Variants in ANKHD1 observed in about 807,000 individuals in gnomAD.
The protein encoded by ANKHD1 is ankyrin repeat and KH domain-containing protein 1.
A neutral mutation model predicts 230.5 loss-of-function variants in ANKHD1; 31 were observed. The observed-to-expected ratio is 0.13, with a 90% CI of 0.10 to 0.18. ANKHD1 has a LOEUF of 0.18. ANKHD1 is among the 10% of genes least tolerant of loss of function. The pLI is 1.00. For missense variants in ANKHD1, 2,256 were observed against 3,071.3 expected, an observed-to-expected ratio of 0.73 and a Z score of 6.27; for synonymous variants, 1,074 against 1,117.6, an observed-to-expected ratio of 0.96 and a Z score of 0.78.
intron 14 of ANKHD1, among the ~76,000 whole-genome samples, chr5:140,489,044 GCC>G (rs1751642899): frequency 6.6e-6 from 1 of 152,012 alleles, no homozygotes; most frequent in Non-Finnish European, 1.5e-5. Flanking sequence ...ACAAAAGTTA[GCC>G]AGGAGTGGTG....
At chr5:140,502,038 TAAA>T (rs750983725) in intron 15 of ANKHD1, among the ~76,000 whole-genome samples, 3 of 132,566 alleles carry the variant, frequency 2.3e-5, no homozygotes, top group Non-Finnish European at 1.6e-5. Context: ...CCTATCTCTT[TAAA>T]AAAAAAAAAA....
intron 1 of ANKHD1, among the ~76,000 whole-genome samples, chr5:140,414,814 G>A (rs1487372963): frequency 6.7e-6 from 1 of 148,488 alleles, no homozygotes; most frequent in Non-Finnish European, 1.5e-5. Flanking sequence ...TCCAGCCTGG[G>A]TGACAAGAGT....
At chr5:140,427,415 CG>C (rs1167004504) in intron 1 of ANKHD1, among the ~76,000 whole-genome samples, 11 of 112,112 alleles carry the variant, frequency 9.8e-5, no homozygotes, top group Non-Finnish European at 2.0e-4. Flanking sequence ...GCTGGCCGGG[CG>C]GGGGGCTGAC....
intron 1 of ANKHD1, among the ~76,000 whole-genome samples, chr5:140,407,072 G>A (rs1266589394): frequency 1.3e-5 from 2 of 151,956 alleles, no homozygotes; most frequent in African/African-American, 4.8e-5. Context: ...CGAGGTGGGT[G>A]GGTCACAAGA....
chr5:140,501,342 T>G (rs1052564268), intron 15 of ANKHD1, among the ~76,000 whole-genome samples: 8 of 151,652 alleles, frequency 5.3e-5, no homozygotes, highest in African/African-American at 1.9e-4. Flanking sequence ...CCTCCCAAAA[T>G]GCTGGGATTA....
Position 140,445,713 on chromosome 5 carries a change from T to C in ANKHD1, c.914-29T>C, listed in dbSNP as rs551308514. ...ATTTTTTAAATATATATTCTGCTCA[T>C]GTATTATATTTCTTCTTCTTCTTTT... On this transcript the variant is annotated intron_variant, in intron 5 of 33. Transcript: ENST00000360839. 14 of 1,521,322 alleles carry C rather than the reference T, an allele frequency of 9.2e-6. No homozygotes were observed. The South Asian group carries it at 1.7e-4, about 18-fold the overall frequency. The allele number at this position is 1,521,322 out of a possible 1,614,324, so 94.2% of individuals were successfully genotyped here.
chr5:140,526,466 C>G, intron 26 of ANKHD1, 23 bp downstream of exon 26: 1 of 1,587,548 alleles, frequency 6.3e-7, no homozygotes, highest in Non-Finnish European at 8.6e-7. Context: ...GATTTGTTAA[C>G]TCTACCTGCA....
intron 14 of ANKHD1, among the ~76,000 whole-genome samples, chr5:140,489,804 G>C (rs548846712): frequency 9.9e-5 from 15 of 152,172 alleles, no homozygotes; most frequent in African/African-American, 3.6e-4. Flanking sequence ...TTTGTATTTA[G>C]ATCACTTGGG....
At chr5:140,481,062 G>T (rs181206225) in intron 10 of ANKHD1, among the ~76,000 whole-genome samples, 35 of 152,142 alleles carry the variant, frequency 2.3e-4, no homozygotes, top group Admixed American at 2.2e-3. Context: ...TGAGTTAGTG[G>T]AGGAAAAGCA....
chr5:140,511,278 T>C (rs1752757068), intron 22 of ANKHD1, among the ~76,000 whole-genome samples: 1 of 152,186 alleles, frequency 6.6e-6, no homozygotes, highest in Non-Finnish European at 1.5e-5. Context: ...AACCTCCCCA[T>C]ACAAATCATT....
intron 10 of ANKHD1, among the ~76,000 whole-genome samples, chr5:140,469,263 G>T (rs1776319537): frequency 6.6e-6 from 1 of 150,958 alleles, no homozygotes; most frequent in Admixed American, 6.6e-5. Context: ...AGCTCTTTGG[G>T]AGGCCAAGGA....
chr5:140,529,200 G>A lies in ANKHD1; in HGVS notation c.6254G>A (p.Ser2085Asn), dbSNP rs771856372. The A allele has an allele frequency of 1.2e-6, 2 of 1,614,202 alleles. No individual in the cohort carries two copies. Among genetic ancestry groups the A allele is most frequent in the Non-Finnish European group, 1.7e-6 (2 of 1,180,038 alleles). ...SNTQEEAQPS[S>N]VSDLSPMSMP... ...ACACAAGAGGAGGCACAGCCATCCAGTGTGTCTGATTTAAGTCCTATGTCA... is the reference window on the plus strand; with the variant it reads ...ACACAAGAGGAGGCACAGCCATCCAATGTGTCTGATTTAAGTCCTATGTCA... Residue 2085 changes from serine to asparagine, a missense_variant, in exon 29 of 34, where the codon AGT becomes AAT. Transcript: ENST00000360839.
chr5:140,436,710 CACTCCATCCTGGGCAACAGAG>C (rs1277712190), intron 2 of ANKHD1, among the ~76,000 whole-genome samples: 1 of 149,754 alleles, frequency 6.7e-6, no homozygotes, highest in African/African-American at 2.5e-5. Flanking sequence ...CATGCCATAG[CACTCCATCCTGGGCAACAGAG>C]CGAGACTCCG....
intron 10 of ANKHD1, among the ~76,000 whole-genome samples, chr5:140,479,713 C>T (rs1751164590): frequency 7.3e-6 from 1 of 136,464 alleles, no homozygotes; most frequent in African/African-American, 2.7e-5. Flanking sequence ...ACATTGATTC[C>T]CATTATATAC....
In ANKHD1 at chr5:140,485,023, A is replaced by T; in HGVS notation, c.1871-98A>T. 1 of 1,431,306 alleles carries T rather than the reference A, an allele frequency of 7.0e-7. No individual in the cohort carries two copies. 88.7% of individuals were successfully genotyped at this position (1,431,306 alleles called of 1,614,324 possible). ...CTTAATGATTTGTATATTTTTTTGT[A>T]TCTACATTATACTTCACAAAAAATT... is the stretch of plus-strand genomic sequence containing the variant. On this transcript the variant is annotated intron_variant, in intron 11 of 33. Coordinates refer to ENST00000360839, the MANE Select transcript of ANKHD1 (RefSeq NM_017747.3). The surrounding 1 kb of genome is among the most constrained non-coding windows in gnomAD (Gnocchi z 4.8).
At chr5:140,429,676 T>C (rs12717988) in intron 1 of ANKHD1, among the ~76,000 whole-genome samples, 61,357 of 151,946 alleles carry the variant, frequency 0.4, 13,159 homozygotes, top group East Asian at 0.55. Context: ...TTACTATTAA[T>C]AACATTTTCT....
chr5:140,485,520 T>G lies in ANKHD1; in HGVS notation c.1999-69T>G. 2.4e-5 allele frequency: 38 copies of G among 1,588,596 alleles called. No homozygotes were observed. The highest frequency in any genetic ancestry group is 3.1e-5 in the Non-Finnish European group (36 of 1,168,816). Reference sequence around the variant, plus strand: ...TGCTTAGTATTTAATACTGTTTAAATGAGTTTTGATTTTATATGAGCTGCT... The same window carrying G: ...TGCTTAGTATTTAATACTGTTTAAAGGAGTTTTGATTTTATATGAGCTGCT... On this transcript the variant is annotated intron_variant, in intron 12 of 33. Coordinates refer to ENST00000360839, the MANE Select transcript of ANKHD1 (RefSeq NM_017747.3). The surrounding 1 kb of genome is among the most constrained non-coding windows in gnomAD (Gnocchi z 4.8).
At chr5:140,509,909 T>C (rs1316102667) in intron 21 of ANKHD1, 97 bp downstream of exon 21, 1 of 1,543,648 alleles carries the variant, frequency 6.5e-7, no homozygotes, top group Non-Finnish European at 8.7e-7. Context: ...ATTGATATTG[T>C]TAAGAAAAGA....
At position 140,526,214 on chromosome 5, in the gene ANKHD1, C is replaced by A; in HGVS notation, c.4711C>A (p.Gln1571Lys). 2 of 1,614,120 alleles carry A rather than the reference C, an allele frequency of 1.2e-6. No individual in the cohort carries two copies. Among genetic ancestry groups the A allele is most frequent in the Non-Finnish European group, 1.7e-6 (2 of 1,180,028 alleles). ...AGAACAACATATGTCTTTAGCCCAA[C>A]AAAAGGCAGATAAAAATAAAATAAA... ...LPEQHMSLAQ[Q>K]KADKNKINGE... The change falls in exon 26 of 34, where the codon CAA becomes AAA. Residue 1571 changes from glutamine to lysine, a missense_variant. Around this residue, in one of 13 missense-constraint regions of ANKHD1, gnomAD observed 212 missense variants for 257.3 expected, o/e 0.82. Coordinates refer to ENST00000360839, the MANE Select transcript of ANKHD1 (RefSeq NM_017747.3).
Sources: gnomAD v4.1 joint callset for allele counts (sites outside exome capture counted in the v4.1 genomes callset) on GRCh38, gnomAD v4.1.1 for gene constraint, gnomAD v4.1.1 regional missense constraint, Gnocchi (gnomAD v3.1) non-coding constraint, MANE v1.5 for transcripts, NCBI Gene and HGNC (gene_info 2026-07-23, HGNC 2026-07-21) for gene names.